Variants in TAFA2 observed in about 807,000 individuals in gnomAD.
The protein encoded by TAFA2 is chemokine-like protein TAFA-2.
TAFA2 carries 7 observed loss-of-function variants against 18.8 expected under a neutral mutation model. The ratio of observed to expected loss-of-function variants is 0.37; its 90% confidence interval spans 0.21 to 0.70. The LOEUF (loss-of-function observed/expected upper bound fraction) is 0.70, where lower values mean the gene tolerates loss of function less well. TAFA2 is among the 30% of genes least tolerant of loss of function. TAFA2 has a pLI of 0.53. For synonymous variants in TAFA2, 60 were observed against 54.2 expected (o/e 1.11, Z -0.47); for missense variants, 122 against 158.1 (o/e 0.77, Z 1.23).
chr12:62,070,603 T>C (rs1882606466), intron 1 of TAFA2: 1 of 152,174 alleles, frequency 6.6e-6, no homozygotes, highest in Non-Finnish European at 1.5e-5. Context: ...TCCAATGAGT[T>C]CAGAGTGATC....
chr12:61,796,785 T>C (rs1209230367), intron 2 of TAFA2, among the ~76,000 whole-genome samples: 1 of 152,178 alleles, frequency 6.6e-6, no homozygotes, highest in Admixed American at 6.6e-5. Context: ...CTTCCTTCAA[T>C]TTATCTTAAA....
At chr12:61,983,402 G>T (rs139372200) in intron 1 of TAFA2, among the ~76,000 whole-genome samples, 1 of 151,658 alleles carries the variant, frequency 6.6e-6, no homozygotes, top group Non-Finnish European at 1.5e-5. Flanking sequence ...GTTTTGTTTT[G>T]TTTTGTTTTG....
chr12:61,930,053 C>T (rs1183806036), intron 1 of TAFA2, among the ~76,000 whole-genome samples: 1 of 151,546 alleles, frequency 6.6e-6, no homozygotes, highest in African/African-American at 2.4e-5. Context: ...CTACCTAATG[C>T]TAAATGACGA....
intron 1 of TAFA2, among the ~76,000 whole-genome samples, chr12:62,101,207 A>G (rs78977131): frequency 0.054 from 8,213 of 152,212 alleles, 333 homozygotes; most frequent in Non-Finnish European, 0.083. Context: ...CATAGATTAG[A>G]TTATGGAACG....
intron 1 of TAFA2, among the ~76,000 whole-genome samples, chr12:62,219,445 T>A (rs1326252271): frequency 2.0e-5 from 3 of 152,168 alleles, no homozygotes; most frequent in Non-Finnish European, 2.9e-5. Flanking sequence ...TTAAATTAAA[T>A]CTACAGTTAG....
chr12:61,979,689 G>C (rs547772070), intron 1 of TAFA2, among the ~76,000 whole-genome samples: 1 of 151,972 alleles, frequency 6.6e-6, no homozygotes, highest in Non-Finnish European at 1.5e-5. Context: ...GAGAAAATAA[G>C]AGGAAATAAA....
chr12:61,910,015 A>C (rs560293998), intron 1 of TAFA2, among the ~76,000 whole-genome samples: 3 of 152,096 alleles, frequency 2.0e-5, no homozygotes. Flanking sequence ...ATTCAACTGT[A>C]TATGTAACTT....
chr12:61,722,280 A>G (rs1869942255), intron 4 of TAFA2, among the ~76,000 whole-genome samples: 2 of 152,174 alleles, frequency 1.3e-5, no homozygotes, highest in African/African-American at 4.8e-5. Context: ...AATTTTGAAA[A>G]TATTTGTGTT....
At chr12:61,773,827 T>C (rs1870138179) in intron 2 of TAFA2, among the ~76,000 whole-genome samples, 2 of 151,754 alleles carry the variant, frequency 1.3e-5, no homozygotes, top group Admixed American at 1.3e-4. Context: ...CAAAATTAAA[T>C]GCAACAAAAG....
At position 61,714,805 on chromosome 12, in the gene TAFA2, T is replaced by C. The variant is rs557935481; in HGVS notation, c.385-4388A>G. Among the ~76,000 whole-genome samples the C allele has an allele frequency of 3.9e-3, 590 of 152,338 alleles. 1 individual carries two copies. The highest frequency in any genetic ancestry group is 6.4e-3 in the Non-Finnish European group (435 of 68,026). ...AATCTTAAAATTCTTACAATCATTA[T>C]ATTGAAGCCTAAAATTCCTTGTTCC... On this transcript the variant is annotated intron_variant, in intron 4 of 4. Transcript: ENST00000416284.
At chr12:62,163,567 C>G (rs1019641821) in intron 1 of TAFA2, among the ~76,000 whole-genome samples, 2 of 152,070 alleles carry the variant, frequency 1.3e-5, no homozygotes, top group African/African-American at 4.8e-5. Context: ...TTTAGTTTTT[C>G]TTTGACCTTC....
intron 4 of TAFA2, among the ~76,000 whole-genome samples, chr12:61,724,049 C>A (rs1270790078): frequency 6.6e-6 from 1 of 152,008 alleles, no homozygotes; most frequent in Non-Finnish European, 1.5e-5. Context: ...TCACCATTGC[C>A]CCAAAATAAT....
intron 1 of TAFA2, among the ~76,000 whole-genome samples, chr12:62,109,921 C>CA (rs1419103357): frequency 6.6e-6 from 1 of 152,222 alleles, no homozygotes; most frequent in Non-Finnish European, 1.5e-5. Context: ...ATGTCATCTG[C>CA]AAACAGAGTG....
intron 1 of TAFA2, among the ~76,000 whole-genome samples, chr12:62,156,201 A>G (rs1398284007): frequency 1.3e-5 from 2 of 152,238 alleles, no homozygotes; most frequent in African/African-American, 2.4e-5. Flanking sequence ...AAAATGCTCA[A>G]CATCACTAAT....
chr12:62,257,010 AAGG>A (rs1450444599), intron 1 of TAFA2, among the ~76,000 whole-genome samples: 1 of 152,090 alleles, frequency 6.6e-6, no homozygotes, highest in East Asian at 1.9e-4. Context: ...GAGGAAGGAC[AAGG>A]AGAAGGAAAA....
chr12:61,938,336 T>C (rs922516909), intron 1 of TAFA2, among the ~76,000 whole-genome samples: 2 of 151,948 alleles, frequency 1.3e-5, no homozygotes, highest in African/African-American at 4.8e-5. Context: ...TTTTAAAACC[T>C]TTATTTTAGA....
chr12:62,170,559 A>G (rs1308108352), intron 1 of TAFA2, among the ~76,000 whole-genome samples: 1 of 152,156 alleles, frequency 6.6e-6, no homozygotes, highest in Non-Finnish European at 1.5e-5. Context: ...TTACTTCTCT[A>G]TAGGATTCAC....
chr12:62,215,644 CAAGAGGAAGAACTTGTTTTTCTTGCTT>C (rs2062731605), intron 1 of TAFA2, among the ~76,000 whole-genome samples: 10 of 44,208 alleles, frequency 2.3e-4, no homozygotes, highest in African/African-American at 7.0e-4. Flanking sequence ...AAAAAAAAAA[CAAGAGGAAGAACTTGTTTTTCTTGCTT>C]AAGAGGAAGA....
At chr12:62,056,544 T>A (rs1030947474) in intron 1 of TAFA2, among the ~76,000 whole-genome samples, 1 of 152,188 alleles carries the variant, frequency 6.6e-6, no homozygotes, top group Non-Finnish European at 1.5e-5. Flanking sequence ...CTGAAGTCCA[T>A]GGGCTCCCCC....
Sources: allele counts gnomAD v4.1 joint callset (sites outside exome capture counted in the v4.1 genomes callset), GRCh38; gene constraint gnomAD v4.1.1; transcripts MANE v1.5; gene names NCBI Gene and HGNC (gene_info 2026-07-23, HGNC 2026-07-21).